The following GPR139 variants were observed in gnomAD, a reference collection of about 807,000 sequenced individuals.
The protein encoded by GPR139 is G protein-coupled receptor 139.
In GPR139, 12 loss-of-function variants were observed where a neutral mutation model predicts 25.8. The observed-to-expected ratio is 0.47, with a 90% CI of 0.30 to 0.75. The LOEUF (loss-of-function observed/expected upper bound fraction) is 0.75. GPR139 is among the 30% of genes least tolerant of loss of function. GPR139 has a pLI of 0.07. For missense variants in GPR139, 380 were observed against 450.2 expected, an observed-to-expected ratio of 0.84 and a Z score of 1.41; for synonymous variants, 184 against 179.9, an observed-to-expected ratio of 1.02 and a Z score of -0.18.
chr16:20,035,423 A>T (rs1239112270), intron 1 of GPR139, among the ~76,000 whole-genome samples: 1 of 152,198 alleles, frequency 6.6e-6, no homozygotes, highest in East Asian at 1.9e-4. Context: ...AGACCCACTA[A>T]AGGTCTTTAT....
At chr16:20,060,908 ACTC>A (rs2057410583) in intron 1 of GPR139, among the ~76,000 whole-genome samples, 1 of 151,446 alleles carries the variant, frequency 6.6e-6, no homozygotes, top group African/African-American at 2.4e-5. Flanking sequence ...GATTTCGATC[ACTC>A]CTTCTTGAGG....
chr16:20,039,720 A>G (rs972766830), intron 1 of GPR139, among the ~76,000 whole-genome samples: 2 of 152,216 alleles, frequency 1.3e-5, no homozygotes, highest in Admixed American at 1.3e-4. Flanking sequence ...TGTTAAATGT[A>G]TAAACTCAGG....
intron 1 of GPR139, among the ~76,000 whole-genome samples, chr16:20,035,944 G>A (rs184215281): frequency 6.6e-6 from 1 of 152,342 alleles, no homozygotes; most frequent in East Asian, 1.9e-4. Flanking sequence ...TTTCCAAAAA[G>A]TATTTAGCAT....
At chr16:20,057,845 G>T (rs2057395831) in intron 1 of GPR139, among the ~76,000 whole-genome samples, 3 of 152,094 alleles carry the variant, frequency 2.0e-5, no homozygotes, top group African/African-American at 7.2e-5. Context: ...TCTCATTGTA[G>T]AACTAGTCTA....
Position 20,073,745 on chromosome 16 carries a change from T to A in GPR139, c.-129A>T. ...AGCAGCGCCTCTCTCCCCGCAGGAC[T>A]GGCTCCTACCCTTGGCCGTGATCCC... On this transcript the variant is annotated 5_prime_UTR_variant, in exon 1 of 2. Coordinates refer to ENST00000570682, the MANE Select transcript of GPR139 (RefSeq NM_001002911.4). This position sits in a 1 kb window ranked among gnomAD's most constrained non-coding sequence, Gnocchi z 4.7. 8.3e-7 allele frequency: 1 copy of A among 1,204,998 alleles called. No individual in the cohort carries two copies. The highest frequency in any genetic ancestry group is 1.1e-6 in the Non-Finnish European group (1 of 888,328). The allele number at this position is 1,204,998 out of a possible 1,614,324, so 74.6% of individuals were successfully genotyped here. A position where few individuals can be genotyped will look rare whatever the true frequency, so the allele number is the denominator to read the frequency against.
At position 20,032,102 on chromosome 16, in the gene GPR139, G is replaced by A; in HGVS notation, c.695C>T (p.Thr232Ile). The change falls in exon 2 of 2, where the codon ACC becomes ATC. Residue 232 changes from threonine (T) to isoleucine (I), a missense_variant. Thr to Ile is a moderately conservative substitution (Grantham distance 89). Coordinates refer to ENST00000570682, the MANE Select transcript of GPR139 (RefSeq NM_001002911.4). ...AAGTGTGGCAAAGATGGAGGTAATGGTGAACAAGATGGCGGTGGTCTTCCC... is the reference window on the plus strand; with the variant it reads ...AAGTGTGGCAAAGATGGAGGTAATGATGAACAAGATGGCGGTGGTCTTCCC... Reference protein sequence around the residue: ...STGKTTAILFTITSIFATLWA... With the variant: ...STGKTTAILFIITSIFATLWA... 1.2e-6 allele frequency: 2 copies of A among 1,614,228 alleles called. No individual in the cohort carries two copies. Among genetic ancestry groups the A allele is most frequent in the Non-Finnish European group, 1.7e-6 (2 of 1,180,036 alleles).
intron 1 of GPR139, among the ~76,000 whole-genome samples, chr16:20,058,376 A>C (rs576145667): frequency 4.6e-5 from 7 of 152,040 alleles, no homozygotes; most frequent in Non-Finnish European, 8.8e-5. Context: ...ATACATAGTC[A>C]AATTTGAGGA....
chr16:20,067,583 T>G (rs2057439521), intron 1 of GPR139, among the ~76,000 whole-genome samples: 1 of 152,072 alleles, frequency 6.6e-6, no homozygotes, highest in Non-Finnish European at 1.5e-5. Flanking sequence ...GGCAGGTGGA[T>G]CAGCTGAGGT....
chr16:20,036,671 C>T (rs1303204808), intron 1 of GPR139, among the ~76,000 whole-genome samples: 1 of 152,174 alleles, frequency 6.6e-6, no homozygotes, highest in Non-Finnish European at 1.5e-5. Flanking sequence ...GATTCAACTA[C>T]CTCCCACTGG....
rs4028367 is a variant in GPR139, at chr16:20,038,369, G to GTGTGTGTGTGTGTGTGTA, written c.128-5701_128-5700insTACACACACACACACACA. Among the ~76,000 whole-genome samples, 28 of 133,252 alleles carry GTGTGTGTGTGTGTGTGTA rather than the reference G, an allele frequency of 2.1e-4. 1 individual carries two copies. The highest frequency in any genetic ancestry group is 5.3e-4 in the Admixed American group (7 of 13,292). The allele number at this position is 133,252 out of a possible 152,430, so 87.4% of individuals were successfully genotyped here. Reference sequence around the variant, plus strand: ...TGTGTGTGTGTGTGTGTGTGTGTGTGTATTCTATAGAGAGTGACTCTCCCA... The same window carrying GTGTGTGTGTGTGTGTGTA: ...TGTGTGTGTGTGTGTGTGTGTGTGTGTGTGTGTGTGTGTGTGTATATTCTATAGAGAGTGACTCTCCCA... On this transcript the variant is annotated intron_variant, in intron 1 of 1. Coordinates refer to ENST00000570682, the MANE Select transcript of GPR139 (RefSeq NM_001002911.4).
intron 1 of GPR139, among the ~76,000 whole-genome samples, chr16:20,038,136 A>G (rs1410527028): frequency 6.6e-6 from 1 of 152,060 alleles, no homozygotes; most frequent in Non-Finnish European, 1.5e-5. Flanking sequence ...TGCTGGGATT[A>G]CAGGCGTGAG....
Position 20,073,497 on chromosome 16 carries a change from A to G in GPR139, c.120T>C (p.Gly40=). Residue 40 remains glycine, a synonymous_variant, in exon 1 of 2, where the codon GGT becomes GGC. Transcript: ENST00000570682. The surrounding 1 kb of genome is among the most constrained non-coding windows in gnomAD (Gnocchi z 4.7). ...VVYYSLLLCL[G]LPANILTVII... The stretch of plus-strand genomic sequence containing the variant: ...CTCCCCCACGCCCCTCACCTGGTAA[A>G]CCGAGGCACAGCAAGAGGCTGTAGT... 1 of 1,611,626 alleles carries G rather than the reference A, an allele frequency of 6.2e-7. No individual in the cohort carries two copies.
chr16:20,052,546 C>A (rs1244102874), intron 1 of GPR139, among the ~76,000 whole-genome samples: 1 of 152,122 alleles, frequency 6.6e-6, no homozygotes, highest in Non-Finnish European at 1.5e-5. Context: ...GCCTGTAATC[C>A]CAGCACTTTG....
intron 1 of GPR139, among the ~76,000 whole-genome samples, chr16:20,060,101 A>C (rs2057406160): frequency 6.6e-6 from 1 of 152,078 alleles, no homozygotes; most frequent in South Asian, 2.1e-4. Flanking sequence ...TCCAGGGAAG[A>C]CACTGCTTTC....
chr16:20,037,407 G>T (rs1429730151), intron 1 of GPR139, among the ~76,000 whole-genome samples: 1 of 149,232 alleles, frequency 6.7e-6, no homozygotes, highest in Admixed American at 6.7e-5. Context: ...AGCCGAGATC[G>T]TACCACTGCA....
intron 1 of GPR139, among the ~76,000 whole-genome samples, chr16:20,070,592 C>T (rs934807866): frequency 6.6e-6 from 1 of 152,368 alleles, no homozygotes; most frequent in East Asian, 1.9e-4. Context: ...TAGTCAGAGA[C>T]ATCCACCACT....
chr16:20,034,557 C>G (rs1035862245), intron 1 of GPR139, among the ~76,000 whole-genome samples: 11 of 152,150 alleles, frequency 7.2e-5, no homozygotes, highest in Non-Finnish European at 1.6e-4. Context: ...GAGACCCGGT[C>G]TTGCTATGTT....
At chr16:20,062,969 C>A (rs1372007910) in intron 1 of GPR139, among the ~76,000 whole-genome samples, 1 of 152,086 alleles carries the variant, frequency 6.6e-6, no homozygotes, top group East Asian at 1.9e-4. Flanking sequence ...ATTTAGATGT[C>A]ATAAAATGTG....
chr16:20,035,420 C>T (rs2057306579), intron 1 of GPR139, among the ~76,000 whole-genome samples: 1 of 152,194 alleles, frequency 6.6e-6, no homozygotes, highest in African/African-American at 2.4e-5. Flanking sequence ...AAGAGACCCA[C>T]TAAAGGTCTT....
Sources: allele counts gnomAD v4.1 joint callset (sites outside exome capture counted in the v4.1 genomes callset), GRCh38; gene constraint gnomAD v4.1.1; non-coding constraint Gnocchi (gnomAD v3.1); transcripts MANE v1.5; gene names NCBI Gene and HGNC (gene_info 2026-07-23, HGNC 2026-07-21).